Variants in RYR2 observed in about 807,000 individuals in gnomAD.
The protein encoded by RYR2 is ryanodine receptor 2.
Under a neutral mutation model 601.1 loss-of-function variants are expected in RYR2, and 227 were observed. The observed-to-expected ratio is 0.38, with a 90% CI of 0.34 to 0.42. RYR2 has a LOEUF of 0.42. RYR2 is among the 10% of genes least tolerant of loss of function. RYR2 has a pLI of 1.00. For missense variants in RYR2, 4,646 were observed against 6,156.5 expected, an observed-to-expected ratio of 0.75 and a Z score of 8.21; for synonymous variants, 2,223 against 2,175.1, an observed-to-expected ratio of 1.02 and a Z score of -0.61.
intron 1 of RYR2, among the ~76,000 whole-genome samples, chr1:237,257,045 G>A (rs977347240): frequency 7.2e-5 from 11 of 152,102 alleles, no homozygotes; most frequent in South Asian, 2.1e-4. Context: ...GGGTGCATAC[G>A]ATAAGTCTAG....
intron 2 of RYR2, among the ~76,000 whole-genome samples, chr1:237,324,315 C>T (rs545576650): frequency 2.6e-5 from 4 of 152,284 alleles, no homozygotes; most frequent in Non-Finnish European, 4.4e-5. Context: ...AAAACAACAA[C>T]CACCACTTTA....
intron 24 of RYR2, among the ~76,000 whole-genome samples, chr1:237,514,360 C>G (rs1666208940): frequency 6.6e-6 from 1 of 152,206 alleles, no homozygotes; most frequent in Non-Finnish European, 1.5e-5. Context: ...CTACCAGCTG[C>G]TGGTGGCTGA....
rs1673012787 is a variant in RYR2, at chr1:237,574,347, G to GT, written c.3598+5030dup. ...GGATTGGGGAAGCCCAGGGAAAGAGGTTGCAGTGTTCACTCTTATGGACAG... is the reference window on the plus strand; with the variant it reads ...GGATTGGGGAAGCCCAGGGAAAGAGGTTTGCAGTGTTCACTCTTATGGACAG... On this transcript the variant is annotated intron_variant, in intron 29 of 104. Coordinates refer to ENST00000366574, the MANE Select transcript of RYR2 (RefSeq NM_001035.3). Among the ~76,000 whole-genome samples the GT allele has an allele frequency of 2.0e-5, 3 of 152,070 alleles. No homozygotes were observed. The South Asian group carries it at 6.2e-4, about 32-fold the overall frequency.
chr1:237,367,106 GT>G (rs112671392), intron 5 of RYR2, among the ~76,000 whole-genome samples: 44,848 of 151,426 alleles, frequency 0.3, 6,902 homozygotes, highest in East Asian at 0.37. Context: ...GTTTGTTTTT[GT>G]TTTCGAGATA....
At chr1:237,740,812 A>G (rs149504627) in intron 79 of RYR2, among the ~76,000 whole-genome samples, 11 of 152,280 alleles carry the variant, frequency 7.2e-5, no homozygotes, top group African/African-American at 2.6e-4. Context: ...TATTGGGAAT[A>G]ATGGGAGATA....
At chr1:237,829,289 A>C (rs2102935169) in intron 102 of RYR2, among the ~76,000 whole-genome samples, 1 of 152,324 alleles carries the variant, frequency 6.6e-6, no homozygotes, top group Non-Finnish European at 1.5e-5. Flanking sequence ...AAGAACAGGG[A>C]CAGGGAAGTG....
intron 82 of RYR2, among the ~76,000 whole-genome samples, chr1:237,758,137 A>G (rs1362776523): frequency 5.9e-5 from 9 of 152,212 alleles, no homozygotes; most frequent in Non-Finnish European, 1.0e-4. Flanking sequence ...AAGTGATTAT[A>G]TAGCTTTGAA....
chr1:237,098,632 G>A (rs1667739942), intron 1 of RYR2, among the ~76,000 whole-genome samples: 1 of 152,172 alleles, frequency 6.6e-6, no homozygotes. Context: ...GTGACAATGT[G>A]GGTAAACATG....
chr1:237,645,973 T>G (rs1573316365), intron 48 of RYR2, among the ~76,000 whole-genome samples: 2 of 146,426 alleles, frequency 1.4e-5, no homozygotes, highest in Admixed American at 6.9e-5. Flanking sequence ...GCCTCCCGGG[T>G]TCACGCCATT....
chr1:237,533,938 A>AT (rs1180365026), intron 25 of RYR2, among the ~76,000 whole-genome samples: 1 of 152,020 alleles, frequency 6.6e-6, no homozygotes, highest in African/African-American at 2.4e-5. Context: ...TTTTATAATG[A>AT]TTTTTTAAAA....
chr1:237,417,649 AG>A (rs1186131561), intron 11 of RYR2, among the ~76,000 whole-genome samples: 1 of 152,218 alleles, frequency 6.6e-6, no homozygotes, highest in African/African-American at 2.4e-5. Context: ...TTGCAATAAA[AG>A]TCACTGTGTA....
In RYR2 at chr1:237,599,808, CAAA is replaced by C. The variant is rs56123861; in HGVS notation, c.4597-2197_4597-2195del. Among the ~76,000 whole-genome samples, 491 of 107,940 alleles carry C rather than the reference CAAA, an allele frequency of 4.5e-3. 1 individual carries two copies. The highest frequency in any genetic ancestry group is 0.022 in the East Asian group (76 of 3,496). 70.8% of individuals were successfully genotyped at this position (107,940 alleles called of 152,430 possible). ...TGGGTGACAGAGTGAGACTCCATCT[CAAA>C]AAAAAAAAAAAAAAAAAAATCAGTT... On this transcript the variant is annotated intron_variant, in intron 34 of 104. Transcript: ENST00000366574.
At chr1:237,086,185 T>A (rs191607007) in intron 1 of RYR2, among the ~76,000 whole-genome samples, 1 of 152,342 alleles carries the variant, frequency 6.6e-6, no homozygotes, top group Non-Finnish European at 1.5e-5. Flanking sequence ...TTCTGGAAGC[T>A]GGAAATTCAA....
chr1:237,819,611 G>A lies in RYR2; in HGVS notation c.14590+419G>A, dbSNP rs1381612669. Among the ~76,000 whole-genome samples the A allele has an allele frequency of 6.6e-6, 1 of 152,008 alleles. No individual in the cohort carries two copies. Among genetic ancestry groups the A allele is most frequent in the Admixed American group, 6.5e-5 (1 of 15,276 alleles). ...AAGGGGGATGGATCACTTGAGGTCA[G>A]GAGCTCGAGACCAGCCTGACCAACA... is the stretch of plus-strand genomic sequence containing the variant. On this transcript the variant is annotated intron_variant, in intron 101 of 104. Coordinates refer to ENST00000366574, the MANE Select transcript of RYR2 (RefSeq NM_001035.3). The surrounding 1 kb of genome is among the most constrained non-coding windows in gnomAD (Gnocchi z 4.0).
At chr1:237,651,526 T>C (rs1682729829) in intron 51 of RYR2, 25 bp downstream of exon 51, 1 of 1,381,086 alleles carries the variant, frequency 7.2e-7, no homozygotes, top group Non-Finnish European at 1.0e-6. Context: ...TGTTTGTAGA[T>C]ATTTGATTAC....
intron 20 of RYR2, among the ~76,000 whole-genome samples, chr1:237,497,437 T>A (rs1461379870): frequency 1.3e-5 from 2 of 152,230 alleles, no homozygotes; most frequent in South Asian, 2.1e-4. Flanking sequence ...TTTGGTTAGC[T>A]CCATTTAAAA....
intron 62 of RYR2, among the ~76,000 whole-genome samples, chr1:237,684,586 A>G (rs1328358410): frequency 1.3e-5 from 2 of 152,190 alleles, no homozygotes; most frequent in African/African-American, 4.8e-5. Context: ...TATCATGAAT[A>G]GAAACAACAT....
At chr1:237,664,063 C>T (rs181657144) in intron 56 of RYR2, among the ~76,000 whole-genome samples, 95 of 152,276 alleles carry the variant, frequency 6.2e-4, no homozygotes, top group Non-Finnish European at 1.1e-3. Context: ...CACAGGTTTT[C>T]AACAATTATT....
chr1:237,379,959 G>A (rs545351160), intron 8 of RYR2, among the ~76,000 whole-genome samples: 1 of 152,234 alleles, frequency 6.6e-6, no homozygotes, highest in Admixed American at 6.5e-5. Context: ...AAAGGCCAAG[G>A]ACACATCACT....
Sources: allele counts gnomAD v4.1 joint callset (sites outside exome capture counted in the v4.1 genomes callset), GRCh38; gene constraint gnomAD v4.1.1; non-coding constraint Gnocchi (gnomAD v3.1); transcripts MANE v1.5; gene names NCBI Gene and HGNC (gene_info 2026-07-23, HGNC 2026-07-21).